SAMD5: variants seen among roughly 807,000 people sequenced by gnomAD.
SAMD5 encodes sterile alpha motif domain-containing protein 5.
A neutral mutation model predicts 11.3 loss-of-function variants in SAMD5; 13 were observed. That is an observed-to-expected ratio of 1.15 (90% CI 0.75 to 1.83). The LOEUF is 1.83. Ranked by LOEUF, SAMD5 falls within the 40% of genes most tolerant of loss-of-function variation. The pLI is 0.00. For synonymous variants in SAMD5, 129 were observed against 111.3 expected (o/e 1.16, Z -1.00); for missense variants, 255 against 239.1 (o/e 1.07, Z -0.44).
At chr6:147,605,100 G>T (rs1789680945) in intron 1 of SAMD5, among the ~76,000 whole-genome samples, 1 of 152,046 alleles carries the variant, frequency 6.6e-6, no homozygotes, top group Non-Finnish European at 1.5e-5. Context: ...TGCTCATGTT[G>T]CTGTTTTTAG....
chr6:147,829,867 G>C, the SAMD5 span, among the ~76,000 whole-genome samples: 1 of 152,190 alleles, frequency 6.6e-6, no homozygotes, highest in East Asian at 1.9e-4. Flanking sequence ...GTGTCAGGAA[G>C]GGGAGTTGAA....
chr6:147,587,701 T>C (rs1292613473), intron 1 of SAMD5, among the ~76,000 whole-genome samples: 1 of 152,196 alleles, frequency 6.6e-6, no homozygotes, highest in Non-Finnish European at 1.5e-5. Flanking sequence ...GTGAATTTAC[T>C]ATAGAGTTAC....
the SAMD5 span, among the ~76,000 whole-genome samples, chr6:147,818,677 T>A: frequency 6.6e-6 from 1 of 152,110 alleles, no homozygotes; most frequent in African/African-American, 2.4e-5. Flanking sequence ...CACGTGTGTA[T>A]CCATTCAATA....
In SAMD5 at chr6:147,508,839, G is replaced by A; in HGVS notation, c.-90G>A. The A allele has an allele frequency of 6.6e-7, 1 of 1,506,412 alleles. No homozygotes were observed. Among genetic ancestry groups the A allele is most frequent in the East Asian group, 2.7e-5 (1 of 37,212 alleles). 93.3% of individuals were successfully genotyped at this position (1,506,412 alleles called of 1,614,324 possible). A position where few individuals can be genotyped will look rare whatever the true frequency, so the allele number is the denominator to read the frequency against. ...TTACTGCGATACCCTTTTCCCCTTG[G>A]AGGAGAGGATTAAAAGTTCCAAGAA... On this transcript the variant is annotated 5_prime_UTR_variant, in exon 1 of 2. Transcript: ENST00000367474.
chr6:147,938,928 T>C, the SAMD5 span, among the ~76,000 whole-genome samples: 1 of 141,452 alleles, frequency 7.1e-6, no homozygotes, highest in African/African-American at 2.8e-5. Flanking sequence ...ACCCCACAAG[T>C]TGAGGGCTGA....
the SAMD5 span, among the ~76,000 whole-genome samples, chr6:147,805,596 T>C: frequency 2.0e-5 from 3 of 152,320 alleles, 1 homozygote; most frequent in Non-Finnish European, 4.4e-5. Flanking sequence ...TATTGAATAG[T>C]GAATTGTGTG....
intron 1 of SAMD5, among the ~76,000 whole-genome samples, chr6:147,709,030 G>A (rs929173583): frequency 2.0e-5 from 3 of 152,126 alleles, no homozygotes; most frequent in East Asian, 3.9e-4. Context: ...AATAATCAGC[G>A]GTGGCTGTAT....
the SAMD5 span, among the ~76,000 whole-genome samples, chr6:147,894,623 T>A: frequency 6.6e-6 from 1 of 152,170 alleles, no homozygotes; most frequent in Non-Finnish European, 1.5e-5. Flanking sequence ...CTTTAGGAAA[T>A]CCCATATTAA....
chr6:147,932,486 A>G, the SAMD5 span, among the ~76,000 whole-genome samples: 1 of 152,136 alleles, frequency 6.6e-6, no homozygotes, highest in African/African-American at 2.4e-5. Context: ...GTGAATGGTA[A>G]TACTTTAACT....
the SAMD5 span, among the ~76,000 whole-genome samples, chr6:147,844,832 C>G: frequency 6.6e-6 from 1 of 152,108 alleles, no homozygotes; most frequent in Non-Finnish European, 1.5e-5. Flanking sequence ...CAGTGGTTAC[C>G]AGAGACTAGG....
At chr6:147,854,003 C>T in the SAMD5 span, among the ~76,000 whole-genome samples, 63 of 152,230 alleles carry the variant, frequency 4.1e-4, no homozygotes, top group African/African-American at 1.5e-3. Flanking sequence ...CTATTATGCA[C>T]CACACATTAT....
At chr6:147,935,025 A>G in the SAMD5 span, among the ~76,000 whole-genome samples, 2 of 152,200 alleles carry the variant, frequency 1.3e-5, no homozygotes, top group Non-Finnish European at 2.9e-5. Context: ...CAGCAGCTAC[A>G]TTAAACAAAT....
chr6:147,714,367 C>T (rs1791438721), intron 1 of SAMD5, among the ~76,000 whole-genome samples: 1 of 152,166 alleles, frequency 6.6e-6, no homozygotes, highest in Non-Finnish European at 1.5e-5. Flanking sequence ...TGTGGGAAGG[C>T]ATCCCAAAGA....
chr6:147,594,998 T>G (rs1003052117), intron 1 of SAMD5, among the ~76,000 whole-genome samples: 22 of 152,232 alleles, frequency 1.4e-4, no homozygotes, highest in African/African-American at 4.6e-4. Context: ...AGGTGGAAAA[T>G]ATAACTTATC....
intron 1 of SAMD5, among the ~76,000 whole-genome samples, chr6:147,552,719 G>A (rs1788793789): frequency 6.6e-6 from 1 of 152,216 alleles, no homozygotes; most frequent in Admixed American, 6.5e-5. Flanking sequence ...ATATGCCTGT[G>A]TGGGGCGGGG....
chr6:147,566,181 A>C lies in SAMD5; in HGVS notation c.*1725A>C, dbSNP rs1200915302. On this transcript the variant is annotated 3_prime_UTR_variant, in exon 2 of 2. Coordinates refer to ENST00000367474, the MANE Select transcript of SAMD5 (RefSeq NM_001030060.3). The stretch of plus-strand genomic sequence containing the variant: ...ACTGACTAAAATCAGTCTCATTATC[A>C]TATACAAATGTAAGGAAGTTAAATT... 13 of 977,846 alleles carry C rather than the reference A, an allele frequency of 1.3e-5. No homozygotes were observed. The highest frequency in any genetic ancestry group is 1.5e-5 in the Non-Finnish European group (12 of 823,194). The allele number at this position is 977,846 out of a possible 1,614,324, so 60.6% of individuals were successfully genotyped here. A position where few individuals can be genotyped will look rare whatever the true frequency, so the allele number is the denominator to read the frequency against.
At chr6:147,689,296 C>G (rs982072488) in intron 1 of SAMD5, among the ~76,000 whole-genome samples, 5 of 152,118 alleles carry the variant, frequency 3.3e-5, no homozygotes, top group Non-Finnish European at 5.9e-5. Context: ...CTCTATTTAC[C>G]ATTACAGTTA....
At chr6:147,717,469 C>T (rs1461126943) in intron 1 of SAMD5, among the ~76,000 whole-genome samples, 1 of 152,184 alleles carries the variant, frequency 6.6e-6, no homozygotes, top group African/African-American at 2.4e-5. Context: ...CTGCCCAAGT[C>T]TCAGGTTATC....
the SAMD5 span, among the ~76,000 whole-genome samples, chr6:147,854,274 G>A: frequency 6.6e-6 from 1 of 152,190 alleles, no homozygotes; most frequent in Non-Finnish European, 1.5e-5. Context: ...AAGAAAGGAA[G>A]TGACCAGAGG....
Sources: gnomAD v4.1 joint callset for allele counts (sites outside exome capture counted in the v4.1 genomes callset) on GRCh38, gnomAD v4.1.1 for gene constraint, MANE v1.5 for transcripts, NCBI Gene and HGNC (gene_info 2026-07-23, HGNC 2026-07-21) for gene names.